PRKAR1A: variants seen among roughly 807,000 people sequenced by gnomAD.
PRKAR1A encodes the protein cAMP-dependent protein kinase type I-alpha regulatory subunit.
In PRKAR1A, 3 loss-of-function variants were observed where a neutral mutation model predicts 52.0. The observed-to-expected ratio is 0.06, with a 90% CI of 0.03 to 0.15. The LOEUF (loss-of-function observed/expected upper bound fraction) is 0.15. Ranked by LOEUF, PRKAR1A falls within the 10% of genes least tolerant of loss-of-function variation. The pLI is 1.00. For synonymous variants in PRKAR1A, 188 were observed against 168.4 expected (o/e 1.12, Z -0.90); for missense variants, 240 against 477.4 (o/e 0.50, Z 4.63).
At chr17:68,507,882 T>A (rs770425743), upstream of PRKAR1A, among the ~76,000 whole-genome samples, 1 of 152,194 alleles carries the variant, frequency 6.6e-6, no homozygotes, top group Non-Finnish European at 1.5e-5. Flanking sequence ...AATACATGCT[T>A]GTGATAATTA....
the PRKAR1A span, chr17:68,429,987 T>G: frequency 6.2e-7 from 1 of 1,614,054 alleles, no homozygotes; most frequent in Non-Finnish European, 8.5e-7. Flanking sequence ...TGGGTGTCAT[T>G]GTACGTACGT....
At chr17:68,436,377 C>CT in the PRKAR1A span, 3 of 1,613,630 alleles carry the variant, frequency 1.9e-6, no homozygotes, top group Admixed American at 5.0e-5. Flanking sequence ...TCACCGTCAA[C>CT]TTACCAGGGA....
the PRKAR1A span, chr17:68,420,879 G>C: frequency 5.5e-6 from 1 of 183,064 alleles, no homozygotes; most frequent in South Asian, 1.2e-4. Context: ...CAGTTTCTCT[G>C]GTCATTTTGG....
the PRKAR1A span, among the ~76,000 whole-genome samples, chr17:68,490,659 G>A: frequency 1.3e-5 from 2 of 152,024 alleles, no homozygotes; most frequent in African/African-American, 4.8e-5. Flanking sequence ...TGAGGGGCGT[G>A]TCCTGTGGTA....
rs182841147 is a variant in PRKAR1A, at chr17:68,528,862, T to C, written c.770-8T>C. On this transcript the variant is annotated splice_region_variant and splice_polypyrimidine_tract_variant and intron_variant, in intron 8 of 10. Transcript: ENST00000589228. ...TACAGAGCAGTTATTTTGATTCTTG[T>C]CTTTCAGAGTCTCTGGACAAGTGGG... is the stretch of plus-strand genomic sequence containing the variant. 6.2e-7 allele frequency: 1 copy of C among 1,613,800 alleles called. No individual in the cohort carries two copies. The highest frequency in any genetic ancestry group is 2.2e-5 in the East Asian group (1 of 44,876).
At chr17:68,444,754 C>T in the PRKAR1A span, among the ~76,000 whole-genome samples, 1 of 152,174 alleles carries the variant, frequency 6.6e-6, no homozygotes, top group Admixed American at 6.5e-5. Context: ...CACACATACA[C>T]ATGTAATCAT....
the PRKAR1A span, chr17:68,444,545 A>G: frequency 6.2e-7 from 1 of 1,614,076 alleles, no homozygotes; most frequent in Non-Finnish European, 8.5e-7. Context: ...TCATGTCTTT[A>G]ATGTTGTGAA....
At chr17:68,417,267 T>TAA in the PRKAR1A span, among the ~76,000 whole-genome samples, 2 of 152,206 alleles carry the variant, frequency 1.3e-5, no homozygotes, top group African/African-American at 4.8e-5. Flanking sequence ...GAGAAAAACC[T>TAA]AAGTAATTTA....
intron 11 of PRKAR1A, among the ~76,000 whole-genome samples, chr17:68,547,477 C>T (rs1032683869): frequency 2.6e-5 from 4 of 152,188 alleles, no homozygotes; most frequent in African/African-American, 4.8e-5. Flanking sequence ...AGTGTAGCTA[C>T]GTTCATCAAT....
chr17:68,513,792 G>A (rs2085345870), intron 1 of PRKAR1A, among the ~76,000 whole-genome samples: 1 of 152,150 alleles, frequency 6.6e-6, no homozygotes, highest in African/African-American at 2.4e-5. Flanking sequence ...TAATACATTA[G>A]TTGTTTCAAA....
chr17:68,436,562 A>G, the PRKAR1A span: 32 of 1,273,480 alleles, frequency 2.5e-5, no homozygotes, highest in East Asian at 6.6e-4. Flanking sequence ...AAAACAGTAC[A>G]GCTACAGTGC....
At chr17:68,430,583 G>T in the PRKAR1A span, among the ~76,000 whole-genome samples, 44 of 152,214 alleles carry the variant, frequency 2.9e-4, no homozygotes, top group Admixed American at 2.5e-3. Flanking sequence ...TCCTGAGCCA[G>T]ACTGAGTGGG....
chr17:68,505,237 G>A, the PRKAR1A span, among the ~76,000 whole-genome samples: 1 of 152,144 alleles, frequency 6.6e-6, no homozygotes, highest in Non-Finnish European at 1.5e-5. Context: ...GTTGCAGTGA[G>A]CTAAGATCAT....
Position 68,532,251 on chromosome 17 carries a change from T to C in PRKAR1A, c.*1802T>C. 9.6e-7 allele frequency: 1 copy of C among 1,043,074 alleles called. No homozygotes were observed. Among genetic ancestry groups the C allele is most frequent in the Non-Finnish European group, 1.2e-6 (1 of 858,930 alleles). The allele number at this position is 1,043,074 out of a possible 1,614,324, so 64.6% of individuals were successfully genotyped here. A position where few individuals can be genotyped will look rare whatever the true frequency, so the allele number is the denominator to read the frequency against. ...CGTTCTTACAAGCTTAAAGCTTGAT[T>C]TGATCTTTGTTTAAATGCCAAAATG... On this transcript the variant is annotated 3_prime_UTR_variant, in exon 11 of 11. Coordinates refer to ENST00000589228, the MANE Select transcript of PRKAR1A (RefSeq NM_002734.5).
At chr17:68,482,178 A>G in the PRKAR1A span, among the ~76,000 whole-genome samples, 1 of 152,242 alleles carries the variant, frequency 6.6e-6, no homozygotes, top group Non-Finnish European at 1.5e-5. Context: ...AGTAGGATGA[A>G]GCGACAGGGA....
chr17:68,530,249 G>A (rs2085935814), intron 10 of PRKAR1A, 28 bp from the exon 11 acceptor site: 3 of 1,612,822 alleles, frequency 1.9e-6, no homozygotes, highest in African/African-American at 2.7e-5. Flanking sequence ...ATAGAAGTTA[G>A]CCTGTTACCC....
chr17:68,506,644 C>T, the PRKAR1A span, among the ~76,000 whole-genome samples: 11 of 151,882 alleles, frequency 7.2e-5, no homozygotes, highest in African/African-American at 1.2e-4. Context: ...CCACCACACC[C>T]GGCTAATTTT....
chr17:68,452,850 GCCTAGAAGGAGGCTCTGGTTCT>G, the PRKAR1A span: 1 of 1,504,232 alleles, frequency 6.6e-7, no homozygotes, highest in Non-Finnish European at 9.2e-7. Context: ...GCAGATTAAA[GCCTAGAAGGAGGCTCTGGTTCT>G]CCTGCAGATC....
chr17:68,416,904 G>C, the PRKAR1A span, among the ~76,000 whole-genome samples: 11 of 151,888 alleles, frequency 7.2e-5, no homozygotes, highest in Admixed American at 5.2e-4. Context: ...CCTTGCATTG[G>C]GCTTCACCTT....
Sources: allele counts gnomAD v4.1 joint callset (sites outside exome capture counted in the v4.1 genomes callset), GRCh38; gene constraint gnomAD v4.1.1; transcripts MANE v1.5; gene names NCBI Gene and HGNC (gene_info 2026-07-23, HGNC 2026-07-21).